Variants in SKI observed in about 807,000 individuals in gnomAD.
SKI encodes ski oncogene.
A neutral mutation model predicts 59.3 loss-of-function variants in SKI; 23 were observed. The observed-to-expected ratio is 0.39, with a 90% CI of 0.28 to 0.55. SKI has a LOEUF of 0.55. Ranked by LOEUF, SKI falls within the 20% of genes least tolerant of loss-of-function variation. SKI has a pLI of 0.67. For missense variants in SKI, 1,017 were observed against 1,038.9 expected (o/e 0.98, Z 0.29); for synonymous variants, 673 against 488.6 (o/e 1.38, Z -4.98).
chr1:2,299,483 T>C (rs1271388205), intron 1 of SKI, among the ~76,000 whole-genome samples: 1 of 152,150 alleles, frequency 6.6e-6, no homozygotes, highest in African/African-American at 2.4e-5. Flanking sequence ...GCTGCTGCAC[T>C]CGGTTCTGGA....
chr1:2,247,185 C>G (rs1426163760), intron 1 of SKI, among the ~76,000 whole-genome samples: 1 of 152,210 alleles, frequency 6.6e-6, no homozygotes, highest in African/African-American at 2.4e-5. Flanking sequence ...TGCCACTGCA[C>G]TTCAGCCTGG....
chr1:2,240,401 G>A, intron 1 of SKI: 1 of 800,738 alleles, frequency 1.2e-6, no homozygotes, highest in African/African-American at 1.9e-5. Flanking sequence ...GCTACGGGCA[G>A]GAGTGTGTCT....
chr1:2,273,834 G>A (rs924581237), intron 1 of SKI, among the ~76,000 whole-genome samples: 4 of 152,212 alleles, frequency 2.6e-5, no homozygotes, highest in East Asian at 1.9e-4. Context: ...TCTGTGGACC[G>A]GGTGCGGATG....
At chr1:2,235,457 C>T (rs1638732779) in intron 1 of SKI, among the ~76,000 whole-genome samples, 1 of 152,252 alleles carries the variant, frequency 6.6e-6, no homozygotes, top group Non-Finnish European at 1.5e-5. Flanking sequence ...GACCAGGTGC[C>T]ATGCCAGGTG....
chr1:2,262,186 TCTC>T (rs1639402166), intron 1 of SKI, among the ~76,000 whole-genome samples: 1 of 140,414 alleles, frequency 7.1e-6, no homozygotes, highest in Non-Finnish European at 1.5e-5. Flanking sequence ...GATCTCTTGA[TCTC>T]CTAGTCTGGA....
rs377110260 is a variant in SKI at position 2,306,070 on chromosome 1, G to C, written c.1818G>C (p.Thr606=). 1.9e-6 allele frequency: 3 copies of C among 1,601,910 alleles called. No homozygotes were observed. Among genetic ancestry groups the C allele is most frequent in the South Asian group, 2.3e-5 (2 of 88,846 alleles). The change falls in exon 6 of 7, where the codon ACG becomes ACC. Residue 606 remains threonine, a synonymous_variant. Coordinates refer to ENST00000378536, the MANE Select transcript of SKI (RefSeq NM_003036.4). ...VAKKEKLREA[T]EAKRNLRKEI... Reference sequence around the variant, plus strand: ...AGAAGGAGAAGCTGCGGGAGGCCACGGAGGCCAAGCGTAACCTGCGGAAGG... The same window carrying C: ...AGAAGGAGAAGCTGCGGGAGGCCACCGAGGCCAAGCGTAACCTGCGGAAGG...
At chr1:2,250,572 C>T (rs961565040) in intron 1 of SKI, among the ~76,000 whole-genome samples, 6 of 152,238 alleles carry the variant, frequency 3.9e-5, no homozygotes, top group Non-Finnish European at 5.9e-5. Flanking sequence ...CCTCTCGCCA[C>T]GACTGTTTTT....
In SKI at chr1:2,303,371, C is replaced by T. The variant is rs542616415; in HGVS notation, c.1182C>T (p.Ser394=). The change falls in exon 3 of 7, where the codon TCC becomes TCT. Residue 394 remains serine, a synonymous_variant. Coordinates refer to ENST00000378536, the MANE Select transcript of SKI (RefSeq NM_003036.4). The surrounding 1 kb of genome is among the most constrained non-coding windows in gnomAD (Gnocchi z 5.6). ...TGTCAGCGAGTGAGAAAGAGCTCTC[C>T]CCACACCTCCCGGCCCTCATCCGAG... is the stretch of plus-strand genomic sequence containing the variant. ...PAVSASEKEL[S]PHLPALIRDS... The T allele has an allele frequency of 4.0e-5, 65 of 1,613,376 alleles. No individual in the cohort carries two copies. The highest frequency in any genetic ancestry group is 5.0e-5 in the Non-Finnish European group (59 of 1,180,002).
At chr1:2,271,582 C>G (rs1481226722) in intron 1 of SKI, among the ~76,000 whole-genome samples, 1 of 151,954 alleles carries the variant, frequency 6.6e-6, no homozygotes, top group African/African-American at 2.4e-5. Flanking sequence ...CCGGGCTGAC[C>G]CCAGACGCTC....
intron 1 of SKI, among the ~76,000 whole-genome samples, chr1:2,230,327 A>G (rs1382530118): frequency 6.6e-6 from 1 of 152,152 alleles, no homozygotes; most frequent in Non-Finnish European, 1.5e-5. Flanking sequence ...CCAGGTGTCC[A>G]GGCTTCAGTG....
intron 1 of SKI, among the ~76,000 whole-genome samples, chr1:2,299,648 C>A (rs960829413): frequency 1.3e-5 from 2 of 152,184 alleles, no homozygotes; most frequent in African/African-American, 4.8e-5. Context: ...AAGCAGCCCC[C>A]ACTCATGTTG....
chr1:2,262,206 G>A (rs1257257503), intron 1 of SKI, among the ~76,000 whole-genome samples: 1 of 138,032 alleles, frequency 7.2e-6, no homozygotes, highest in Admixed American at 7.5e-5. Context: ...TGGAAGGCGT[G>A]GAATCAGAGT....
intron 1 of SKI, among the ~76,000 whole-genome samples, chr1:2,287,521 AG>A (rs891267393): frequency 2.0e-5 from 3 of 151,946 alleles, no homozygotes; most frequent in Admixed American, 2.0e-4. Flanking sequence ...TATTTTTAGT[AG>A]AGACGGGGTT....
intron 1 of SKI, among the ~76,000 whole-genome samples, chr1:2,285,528 TAAAC>T (rs761754115): frequency 5.2e-4 from 78 of 148,666 alleles, no homozygotes; most frequent in Admixed American, 1.8e-3. Flanking sequence ...AAACAAACAA[TAAAC>T]AAACAACTCT....
At chr1:2,266,119 A>G (rs571522675) in intron 1 of SKI, among the ~76,000 whole-genome samples, 51 of 152,126 alleles carry the variant, frequency 3.4e-4, no homozygotes, top group Non-Finnish European at 5.6e-4. Flanking sequence ...AGGCCTGATA[A>G]TTCACCACTC....
Position 2,303,695 on chromosome 1 carries a change from C to A in SKI, c.1212-145C>A. 1 of 1,171,850 alleles carries A rather than the reference C, an allele frequency of 8.5e-7. No individual in the cohort carries two copies. The highest frequency in any genetic ancestry group is 1.2e-6 in the Non-Finnish European group (1 of 822,670). 72.6% of individuals were successfully genotyped at this position (1,171,850 alleles called of 1,614,324 possible). ...AGCAAGCAGAAAACGCTTACGGGTT[C>A]TTAGGGAACTGTAAGCTTGACTTGA... On this transcript the variant is annotated intron_variant, in intron 3 of 6. Transcript: ENST00000378536. This position sits in a 1 kb window ranked among gnomAD's most constrained non-coding sequence, Gnocchi z 5.6.
chr1:2,303,800 G>A lies in SKI; in HGVS notation c.1212-40G>A, dbSNP rs1457234184. 2 of 1,609,588 alleles carry A rather than the reference G, an allele frequency of 1.2e-6. No homozygotes were observed. The highest frequency in any genetic ancestry group is 1.7e-5 in the Admixed American group (1 of 59,618). Reference sequence around the variant, plus strand: ...CCAGGATGTGTCTGGGTGGTGCTTGGGGACAGAGGCACCTTCCCGACACCC... The same window carrying A: ...CCAGGATGTGTCTGGGTGGTGCTTGAGGACAGAGGCACCTTCCCGACACCC... On this transcript the variant is annotated intron_variant, in intron 3 of 6. Transcript: ENST00000378536. This position sits in a 1 kb window ranked among gnomAD's most constrained non-coding sequence, Gnocchi z 5.6.
chr1:2,300,105 T>A (rs1244038467), intron 1 of SKI, among the ~76,000 whole-genome samples: 1 of 152,206 alleles, frequency 6.6e-6, no homozygotes, highest in Non-Finnish European at 1.5e-5. Flanking sequence ...GGGGGGCACC[T>A]GTCCTTGGGT....
At chr1:2,236,595 C>T (rs1638753645) in intron 1 of SKI, among the ~76,000 whole-genome samples, 1 of 152,090 alleles carries the variant, frequency 6.6e-6, no homozygotes, top group Admixed American at 6.6e-5. Flanking sequence ...TTAGTAGAGA[C>T]GGGGTTTTAC....
Sources: allele counts gnomAD v4.1 joint callset (sites outside exome capture counted in the v4.1 genomes callset), GRCh38; gene constraint gnomAD v4.1.1; non-coding constraint Gnocchi (gnomAD v3.1); transcripts MANE v1.5; gene names NCBI Gene and HGNC (gene_info 2026-07-23, HGNC 2026-07-21).